CHD7: variants seen among roughly 807,000 people sequenced by gnomAD.
CHD7 encodes the protein ATP-dependent chromatin remodeler CHD7.
In CHD7, 24 loss-of-function variants were observed where a neutral mutation model predicts 307.3. The ratio of observed to expected loss-of-function variants is 0.08; its 90% CI spans 0.06 to 0.11. CHD7 has a LOEUF of 0.11. CHD7 is among the 10% of genes least tolerant of loss of function. The probability of loss-of-function intolerance (pLI) is 1.00; values close to 1 mark genes in which losing one functional copy is unlikely to be tolerated. For missense variants in CHD7, 3,106 were observed against 3,727.1 expected, an observed-to-expected ratio of 0.83 and a Z score of 4.34; for synonymous variants, 1,363 against 1,349.9, an observed-to-expected ratio of 1.01 and a Z score of -0.21.
chr8:60,714,881 C>T (rs1179550839), intron 1 of CHD7, among the ~76,000 whole-genome samples: 1 of 152,220 alleles, frequency 6.6e-6, no homozygotes, highest in Non-Finnish European at 1.5e-5. Flanking sequence ...TGACATAGCT[C>T]TATCAGAAAG....
chr8:60,703,830 C>G (rs1232709760), intron 1 of CHD7, among the ~76,000 whole-genome samples: 1 of 152,218 alleles, frequency 6.6e-6, no homozygotes, highest in Non-Finnish European at 1.5e-5. Context: ...AAACTCCTAC[C>G]TCTCCCTGAG....
chr8:60,744,221 A>T (rs1251488805), intron 2 of CHD7, among the ~76,000 whole-genome samples: 1 of 152,210 alleles, frequency 6.6e-6, no homozygotes, highest in Non-Finnish European at 1.5e-5. Flanking sequence ...GGAAAGTATC[A>T]GTCAGGGCCA....
At chr8:60,820,136 C>A in intron 9 of CHD7, 46 bp downstream of exon 9, 1 of 1,266,688 alleles carries the variant, frequency 7.9e-7, no homozygotes, top group Admixed American at 1.9e-5. Context: ...TCAGGCAACC[C>A]ATACATGTTT....
chr8:60,865,847 C>G lies in CHD7; in HGVS notation c.8908C>G (p.Leu2970Val). ...ESLDKTAESS[L>V]LEDEIAQGEE... ...CCTGGATAAGACTGCAGAGTCCTCC[C>G]TCTTAGAAGACGAAATAGCACAGGG... Residue 2970 changes from leucine to valine, a missense_variant, in exon 38 of 38, where the codon CTC (leucine) becomes GTC (valine). Physicochemically the swap from Leu to Val is conservative, Grantham distance 32 (BLOSUM62 1). Around this residue, in one of 10 missense-constraint regions of CHD7, gnomAD observed 351 missense variants for 366.2 expected, o/e 0.96. Coordinates refer to ENST00000423902, the MANE Select transcript of CHD7 (RefSeq NM_017780.4). This position sits in a 1 kb window ranked among gnomAD's most constrained non-coding sequence, Gnocchi z 4.3. 6.2e-7 allele frequency: 1 copy of G among 1,613,270 alleles called. No homozygotes were observed. The highest frequency in any genetic ancestry group is 1.1e-5 in the South Asian group (1 of 90,874).
At chr8:60,681,826 G>A (rs1805645695) in intron 1 of CHD7, among the ~76,000 whole-genome samples, 2 of 152,052 alleles carry the variant, frequency 1.3e-5, no homozygotes, top group Middle Eastern at 3.4e-3. Context: ...TCACTAAATT[G>A]AACCATGATG....
chr8:60,860,847 C>A lies in CHD7; in HGVS notation c.7609-57C>A, dbSNP rs77809919. Reference sequence around the variant, plus strand: ...AGGATAGCGTTTTCTTGAAATAGGACATTGTCAGAGGCTCTCTCTTCGTGT... The same window carrying A: ...AGGATAGCGTTTTCTTGAAATAGGAAATTGTCAGAGGCTCTCTCTTCGTGT... On this transcript the variant is annotated intron_variant, in intron 34 of 37. Transcript: ENST00000423902. 3.1e-3 allele frequency: 3,896 copies of A among 1,272,690 alleles called. 97 individuals are homozygous for A. In the African/African-American group the frequency reaches 0.048, roughly 16 times the overall value. The allele number at this position is 1,272,690 out of a possible 1,614,324, so 78.8% of individuals were successfully genotyped here.
chr8:60,680,990 C>T (rs911220918), intron 1 of CHD7, among the ~76,000 whole-genome samples: 1 of 151,516 alleles, frequency 6.6e-6, no homozygotes, highest in East Asian at 1.9e-4. Context: ...TAATTTAAGC[C>T]GTCTTTGCAG....
At chr8:60,746,402 ATCTC>A (rs894876080) in intron 2 of CHD7, among the ~76,000 whole-genome samples, 2 of 151,876 alleles carry the variant, frequency 1.3e-5, no homozygotes, top group African/African-American at 4.8e-5. Context: ...TACCTTTAAA[ATCTC>A]TCTCTCTGAA....
At chr8:60,804,671 CAG>C (rs1237333316) in intron 6 of CHD7, among the ~76,000 whole-genome samples, 2 of 152,200 alleles carry the variant, frequency 1.3e-5, no homozygotes, top group African/African-American at 4.8e-5. Flanking sequence ...TATTATTTGA[CAG>C]AGTGTTCTGT....
chr8:60,803,085 C>G (rs1268297085), intron 6 of CHD7, among the ~76,000 whole-genome samples: 1 of 152,128 alleles, frequency 6.6e-6, no homozygotes, highest in Non-Finnish European at 1.5e-5. Context: ...CACTATTTAA[C>G]TCATTAGAAG....
At chr8:60,846,913 G>A (rs1218987079) in intron 23 of CHD7, among the ~76,000 whole-genome samples, 2 of 152,292 alleles carry the variant, frequency 1.3e-5, no homozygotes, top group African/African-American at 4.8e-5. Context: ...TTGGGGCTGT[G>A]GTGAGGCTCT....
intron 2 of CHD7, among the ~76,000 whole-genome samples, chr8:60,759,300 T>A (rs778709824): frequency 2.0e-5 from 3 of 152,334 alleles, no homozygotes; most frequent in Middle Eastern, 3.4e-3. Flanking sequence ...AGATAGCCTG[T>A]GAGAGAAGGC....
At chr8:60,762,337 C>T (rs1810256113) in intron 2 of CHD7, among the ~76,000 whole-genome samples, 1 of 152,190 alleles carries the variant, frequency 6.6e-6, no homozygotes, top group African/African-American at 2.4e-5. Context: ...AATGTGGGGT[C>T]TGGGCTTCTC....
intron 3 of CHD7, among the ~76,000 whole-genome samples, chr8:60,790,029 G>C (rs1407807435): frequency 6.6e-6 from 1 of 152,240 alleles, no homozygotes; most frequent in African/African-American, 2.4e-5. Flanking sequence ...CTACCCACCA[G>C]TGTAACCCAA....
chr8:60,741,653 A>G lies in CHD7; in HGVS notation c.221A>G (p.Gln74Arg), dbSNP rs761139919. 6.2e-7 allele frequency: 1 copy of G among 1,613,904 alleles called. No individual in the cohort carries two copies. Among genetic ancestry groups the G allele is most frequent in the Admixed American group, 1.7e-5 (1 of 60,012 alleles). The change falls in exon 2 of 38, where the codon CAG becomes CGG. Residue 74 changes from glutamine (Q) to arginine (R), a missense_variant. Physicochemically the swap from Gln to Arg is conservative, Grantham distance 43 (BLOSUM62 1). This residue lies in a region of CHD7 where 998 missense variants were observed against 1,004.5 expected (regional missense o/e 0.99). Transcript: ENST00000423902. ...TKLTHFDHYNQYEQQKMHLMD... is the reference protein window; with the variant it reads ...TKLTHFDHYNRYEQQKMHLMD... ...CTGACACATTTTGATCACTATAATC[A>G]GTATGAACAACAAAAGATGCATCTG... is the stretch of plus-strand genomic sequence containing the variant.
At chr8:60,842,084 T>G (rs1456187648) in intron 21 of CHD7, 32 bp downstream of exon 21, 1 of 1,545,314 alleles carries the variant, frequency 6.5e-7, no homozygotes, top group Non-Finnish European at 8.8e-7. Context: ...AGATAGAATT[T>G]TATTGTAACA....
intron 1 of CHD7, among the ~76,000 whole-genome samples, chr8:60,719,202 G>A (rs985288167): frequency 3.9e-5 from 6 of 152,214 alleles, no homozygotes; most frequent in African/African-American, 1.4e-4. Flanking sequence ...TATGGGAAAG[G>A]ATTTGTCACC....
At chr8:60,843,450 T>G (rs1303902194) in intron 21 of CHD7, among the ~76,000 whole-genome samples, 1 of 152,210 alleles carries the variant, frequency 6.6e-6, no homozygotes, top group African/African-American at 2.4e-5. Flanking sequence ...GCAGATTGTC[T>G]TTCAGTCGAG....
intron 1 of CHD7, among the ~76,000 whole-genome samples, chr8:60,723,916 A>G (rs562692927): frequency 2.0e-5 from 3 of 152,340 alleles, no homozygotes; most frequent in South Asian, 2.1e-4. Context: ...TATTTATCAC[A>G]CAGGACCCAG....
Sources: gnomAD v4.1 joint callset for allele counts (sites outside exome capture counted in the v4.1 genomes callset) on GRCh38, gnomAD v4.1.1 for gene constraint, gnomAD v4.1.1 regional missense constraint, Gnocchi (gnomAD v3.1) non-coding constraint, MANE v1.5 for transcripts, NCBI Gene and HGNC (gene_info 2026-07-23, HGNC 2026-07-21) for gene names.